The following AFF2 variants were observed in gnomAD, a reference collection of about 807,000 sequenced individuals.
The protein encoded by AFF2 is ALF transcription elongation factor 2.
A neutral mutation model predicts 76.9 loss-of-function variants in AFF2; 14 were observed. The observed-to-expected ratio is 0.18, with a 90% CI of 0.12 to 0.28. The LOEUF is 0.28. AFF2 is among the 10% of genes least tolerant of loss of function. The probability of loss-of-function intolerance (pLI) is 1.00; values close to 1 mark genes in which losing one functional copy is unlikely to be tolerated. For synonymous variants in AFF2, 398 were observed against 366.7 expected (o/e 1.09, Z -0.98); for missense variants, 868 against 1,001.1 (o/e 0.87, Z 1.79).
intron 7 of AFF2, among the ~76,000 whole-genome samples, chrX:148,864,404 G>A (rs1159299948): frequency 8.9e-6 from 1 of 111,867 alleles, no homozygotes; most frequent in Non-Finnish European, 1.9e-5. Flanking sequence ...TTGGGCAGGA[G>A]AGCCTTGCTA....
intron 7 of AFF2, among the ~76,000 whole-genome samples, chrX:148,855,921 T>A (rs1264611473): frequency 2.7e-5 from 3 of 112,149 alleles, no homozygotes; most frequent in African/African-American, 9.7e-5. Context: ...ATTAATCATG[T>A]TCATGATTAT....
intron 1 of AFF2, among the ~76,000 whole-genome samples, chrX:148,569,549 G>A (rs1458401067): frequency 9.0e-6 from 1 of 111,064 alleles, no homozygotes; most frequent in Non-Finnish European, 1.9e-5. Flanking sequence ...TAGAGTTAGG[G>A]TGCAAAATCT....
At chrX:148,846,445 G>A (rs1557274759) in intron 7 of AFF2, among the ~76,000 whole-genome samples, 1 of 112,309 alleles carries the variant, frequency 8.9e-6, no homozygotes, top group African/African-American at 3.2e-5. Context: ...AAATTAATGA[G>A]TATATGTGTC....
intron 9 of AFF2, among the ~76,000 whole-genome samples, chrX:148,924,495 G>T (rs951854185): frequency 2.2e-4 from 25 of 112,135 alleles, no homozygotes; most frequent in African/African-American, 7.1e-4. Context: ...TATGAAAAAT[G>T]GAGATAACTT....
chrX:148,904,299 C>A, intron 9 of AFF2, 41 bp downstream of exon 9: 2 of 792,934 alleles, frequency 2.5e-6, no homozygotes, highest in Non-Finnish European at 3.8e-6. Context: ...TTAATTTTAA[C>A]GGACTCGATG....
At chrX:148,843,532 G>A in intron 7 of AFF2, 99 bp downstream of exon 7, 2 of 710,407 alleles carry the variant, frequency 2.8e-6, no homozygotes, top group Middle Eastern at 3.1e-4. Context: ...TCTGCTCCTT[G>A]AAACTATGAA....
intron 3 of AFF2, among the ~76,000 whole-genome samples, chrX:148,720,491 G>A (rs782074002): frequency 9.1e-6 from 1 of 110,091 alleles, no homozygotes; most frequent in East Asian, 2.9e-4. Context: ...TTGGGCTTAT[G>A]AGTATTTATA....
At chrX:148,756,492 C>G (rs1416867010) in intron 3 of AFF2, among the ~76,000 whole-genome samples, 2 of 111,948 alleles carry the variant, frequency 1.8e-5, no homozygotes, top group Non-Finnish European at 3.8e-5. Context: ...GATTTGTGTC[C>G]TTTATAATCT....
At chrX:148,701,012 A>AGAGAATGTGTGTG (rs782232655) in intron 3 of AFF2, among the ~76,000 whole-genome samples, 3 of 73,736 alleles carry the variant, frequency 4.1e-5, no homozygotes, top group African/African-American at 1.7e-4. Context: ...GAGAGAGAGA[A>AGAGAATGTGTGTG]TGTGTGTGTG....
chrX:148,707,649 T>A (rs1343642367), intron 3 of AFF2, among the ~76,000 whole-genome samples: 1 of 110,895 alleles, frequency 9.0e-6, no homozygotes, highest in Non-Finnish European at 1.9e-5. Context: ...ATCCCAATTT[T>A]ATTAATGTTC....
At chrX:148,719,326 T>C (rs2055065317) in intron 3 of AFF2, 1 of 618,020 alleles carries the variant, frequency 1.6e-6, no homozygotes, top group Non-Finnish European at 2.5e-6. Flanking sequence ...CTGATCACAG[T>C]GAGGTATTTC....
At chrX:148,868,711 G>C (rs2070936559) in intron 7 of AFF2, among the ~76,000 whole-genome samples, 1 of 112,525 alleles carries the variant, frequency 8.9e-6, no homozygotes, top group Non-Finnish European at 1.9e-5. Context: ...CTGGAGGCTG[G>C]AAGTCCAAGA....
At chrX:148,907,040 C>G (rs782686244) in intron 9 of AFF2, among the ~76,000 whole-genome samples, 1 of 111,543 alleles carries the variant, frequency 9.0e-6, no homozygotes. Context: ...AGGTTCCATT[C>G]GTTGGAATCC....
At chrX:148,720,736 A>T (rs890504574) in intron 3 of AFF2, among the ~76,000 whole-genome samples, 9 of 112,161 alleles carry the variant, frequency 8.0e-5, no homozygotes, top group Non-Finnish European at 1.7e-4. Flanking sequence ...TTCACAGAAG[A>T]ACATTTTATT....
chrX:148,855,455 A>C (rs1166539404), intron 7 of AFF2, among the ~76,000 whole-genome samples: 2 of 111,765 alleles, frequency 1.8e-5, no homozygotes, highest in Non-Finnish European at 3.8e-5. Flanking sequence ...TTTCTTCAGC[A>C]GCCGGTACAG....
At chrX:148,973,342 A>C (rs2072282064) in intron 15 of AFF2, 129 bp from the exon 16 acceptor site, 1 of 818,365 alleles carries the variant, frequency 1.2e-6, no homozygotes, top group Non-Finnish European at 1.8e-6. Context: ...GACAACTGAA[A>C]GTGTCTCCAG....
At chrX:148,919,626 A>G (rs1188468778) in intron 9 of AFF2, among the ~76,000 whole-genome samples, 2 of 111,160 alleles carry the variant, frequency 1.8e-5, no homozygotes, top group Admixed American at 1.9e-4. Context: ...AAATTATGAC[A>G]TTTGAAAAAA....
At chrX:148,959,226 T>TAGAAGA (rs2072079504) in intron 12 of AFF2, among the ~76,000 whole-genome samples, 3 of 111,940 alleles carry the variant, frequency 2.7e-5, no homozygotes, top group African/African-American at 9.8e-5. Flanking sequence ...TGCCTTCTGT[T>TAGAAGA]TCTGCCAAGC....
rs782460325 is a variant in AFF2, at chrX:148,841,842, A to G, written c.1174-1124A>G. Among the ~76,000 whole-genome samples, 392 of 111,984 alleles carry G rather than the reference A, an allele frequency of 3.5e-3. 2 individuals carry two copies. Among genetic ancestry groups the G allele is most frequent in the Non-Finnish European group, 5.2e-3 (274 of 53,182 alleles). On this transcript the variant is annotated intron_variant, in intron 5 of 20. Transcript: ENST00000370460. The stretch of plus-strand genomic sequence containing the variant: ...CAGCAAACTATATGGGCTTTGTGAC[A>G]GACAGTTCTTTCTCTAAGAGGCCTT...
Sources: gnomAD v4.1 joint callset for allele counts (sites outside exome capture counted in the v4.1 genomes callset) on GRCh38, gnomAD v4.1.1 for gene constraint, MANE v1.5 for transcripts, NCBI Gene and HGNC (gene_info 2026-07-23, HGNC 2026-07-21) for gene names.